Variants in NRXN3 observed in about 807,000 individuals in gnomAD.
The protein encoded by NRXN3 is neurexin III.
NRXN3 carries 32 observed loss-of-function variants against 137.6 expected under a neutral mutation model. The observed-to-expected ratio is 0.23, with a 90% CI of 0.18 to 0.31. The LOEUF is 0.31. Ranked by LOEUF, NRXN3 falls within the 10% of genes least tolerant of loss-of-function variation. NRXN3 has a pLI of 1.00. For missense variants in NRXN3, 1,574 were observed against 2,062.5 expected (o/e 0.76, Z 4.59); for synonymous variants, 798 against 784.5 (o/e 1.02, Z -0.29).
chr14:79,520,700 A>T (rs560113924), intron 16 of NRXN3, among the ~76,000 whole-genome samples: 73 of 152,312 alleles, frequency 4.8e-4, no homozygotes, highest in African/African-American at 1.7e-3. Context: ...GAGAAATGCA[A>T]ATCAAAACCA....
chr14:79,548,900 T>G (rs577436342), intron 16 of NRXN3, among the ~76,000 whole-genome samples: 1 of 152,140 alleles, frequency 6.6e-6, no homozygotes, highest in Non-Finnish European at 1.5e-5. Flanking sequence ...AATGGACCAT[T>G]TTGGAGACTT....
At chr14:78,644,697 G>A (rs2097669233) in intron 4 of NRXN3, among the ~76,000 whole-genome samples, 1 of 152,170 alleles carries the variant, frequency 6.6e-6, no homozygotes, top group South Asian at 2.1e-4. Context: ...GTCAATAAAA[G>A]CTACCTGGAG....
intron 16 of NRXN3, among the ~76,000 whole-genome samples, chr14:79,486,619 G>T (rs1036391210): frequency 3.3e-5 from 5 of 152,196 alleles, no homozygotes; most frequent in African/African-American, 1.2e-4. Context: ...ACTCATTTTA[G>T]ATATGAAGAT....
chr14:78,792,493 GAGAA>G (rs758119903), intron 8 of NRXN3, among the ~76,000 whole-genome samples: 105 of 152,114 alleles, frequency 6.9e-4, no homozygotes, highest in Non-Finnish European at 1.2e-3. Context: ...ATCCCTGAAA[GAGAA>G]AACCTAAGTA....
chr14:78,754,117 T>A (rs1172462929), intron 8 of NRXN3, among the ~76,000 whole-genome samples: 1 of 152,186 alleles, frequency 6.6e-6, no homozygotes, highest in Non-Finnish European at 1.5e-5. Context: ...AATGGAAGTT[T>A]GTAGTTCGAG....
chr14:78,419,641 C>T (rs891266147), intron 4 of NRXN3, among the ~76,000 whole-genome samples: 3 of 152,150 alleles, frequency 2.0e-5, no homozygotes, highest in African/African-American at 7.2e-5. Context: ...AATGCAAAGA[C>T]CACGTGGCAA....
At chr14:79,119,832 C>T (rs985981199) in intron 15 of NRXN3, among the ~76,000 whole-genome samples, 1 of 152,074 alleles carries the variant, frequency 6.6e-6, no homozygotes, top group Non-Finnish European at 1.5e-5. Context: ...GTAACATGGC[C>T]ATGCCTATAC....
intron 19 of NRXN3, among the ~76,000 whole-genome samples, chr14:79,749,208 C>T (rs2098989356): frequency 6.6e-6 from 1 of 151,958 alleles, no homozygotes; most frequent in Non-Finnish European, 1.5e-5. Flanking sequence ...TATCTGATGG[C>T]TTTCCATTCT....
chr14:78,544,909 G>T (rs1394451131), intron 4 of NRXN3, among the ~76,000 whole-genome samples: 1 of 152,208 alleles, frequency 6.6e-6, no homozygotes, highest in African/African-American at 2.4e-5. Flanking sequence ...TTGCCCAAGA[G>T]ACAGCAGGGA....
At chr14:79,627,909 A>G (rs2098299677) in intron 16 of NRXN3, among the ~76,000 whole-genome samples, 1 of 152,232 alleles carries the variant, frequency 6.6e-6, no homozygotes, top group Admixed American at 6.5e-5. Flanking sequence ...GTCTGTATAT[A>G]TGCAGTCTTA....
chr14:78,442,793 A>G (rs1307608779), intron 4 of NRXN3, among the ~76,000 whole-genome samples: 1 of 152,236 alleles, frequency 6.6e-6, no homozygotes, highest in Non-Finnish European at 1.5e-5. Context: ...GTTAAACAAC[A>G]TAAGGACAGG....
chr14:78,507,527 G>A (rs1000801283), intron 4 of NRXN3, among the ~76,000 whole-genome samples: 9 of 152,310 alleles, frequency 5.9e-5, no homozygotes, highest in Non-Finnish European at 8.8e-5. Flanking sequence ...ATTAGCATGA[G>A]CGACGAGTTA....
At chr14:79,743,651 C>A (rs1022513046) in intron 19 of NRXN3, among the ~76,000 whole-genome samples, 1 of 152,192 alleles carries the variant, frequency 6.6e-6, no homozygotes, top group Non-Finnish European at 1.5e-5. Flanking sequence ...ATCTCAGGGT[C>A]CCTTCCAACT....
chr14:78,252,981 T>A (rs2068888533), intron 2 of NRXN3, among the ~76,000 whole-genome samples: 1 of 151,324 alleles, frequency 6.6e-6, no homozygotes, highest in Non-Finnish European at 1.5e-5. Flanking sequence ...CTCTCAGGCT[T>A]CTTTTCTTTC....
chr14:79,090,398 T>A (rs2048938588), intron 15 of NRXN3, among the ~76,000 whole-genome samples: 1 of 152,182 alleles, frequency 6.6e-6, no homozygotes. Flanking sequence ...TAGCAAGTTA[T>A]ATGCATATAA....
chr14:79,793,051 G>A (rs1470421032), intron 19 of NRXN3, among the ~76,000 whole-genome samples: 1 of 152,124 alleles, frequency 6.6e-6, no homozygotes, highest in Non-Finnish European at 1.5e-5. Context: ...GAGTTAGAGT[G>A]GGAGCATGTG....
chr14:79,671,004 G>T (rs779716599), intron 17 of NRXN3, among the ~76,000 whole-genome samples: 1 of 152,128 alleles, frequency 6.6e-6, no homozygotes, highest in East Asian at 1.9e-4. Flanking sequence ...TCTCCCAGAG[G>T]TGTAGGAAGT....
chr14:79,753,037 T>TGAACATTC (rs2099004145), intron 19 of NRXN3, among the ~76,000 whole-genome samples: 2 of 150,696 alleles, frequency 1.3e-5, no homozygotes, highest in African/African-American at 4.9e-5. Flanking sequence ...CTCACACCAG[T>TGAACATTC]TAGAATGGCA....
chr14:79,770,273 C>A (rs1172286359), intron 19 of NRXN3, among the ~76,000 whole-genome samples: 1 of 152,060 alleles, frequency 6.6e-6, no homozygotes, highest in Non-Finnish European at 1.5e-5. Flanking sequence ...ACCAAGCGGA[C>A]CTAATAGACA....
Sources: gnomAD v4.1 joint callset for allele counts (sites outside exome capture counted in the v4.1 genomes callset) on GRCh38, gnomAD v4.1.1 for gene constraint, MANE v1.5 for transcripts, NCBI Gene and HGNC (gene_info 2026-07-23, HGNC 2026-07-21) for gene names.